Variants in SMAD6 observed in about 807,000 individuals in gnomAD.
The protein encoded by SMAD6 is MAD homolog 6.
In SMAD6, 103 loss-of-function variants were observed where a neutral mutation model predicts 39.4. The ratio of observed to expected loss-of-function variants is 2.62; its 90% confidence interval spans 2.23 to 3.08. The LOEUF is 3.08. Among genes scored for constraint, SMAD6 ranks in the 30% most tolerant of loss-of-function variants. The probability of loss-of-function intolerance (pLI) is 0.00; values close to 1 mark genes in which losing one functional copy is unlikely to be tolerated. For synonymous variants in SMAD6, 445 were observed against 353.3 expected, an observed-to-expected ratio of 1.26 and a Z score of -2.91; for missense variants, 1,104 against 742.9, an observed-to-expected ratio of 1.49 and a Z score of -5.65.
chr15:66,726,044 C>T (rs751214240), intron 3 of SMAD6, among the ~76,000 whole-genome samples: 1 of 152,152 alleles, frequency 6.6e-6, no homozygotes, highest in Non-Finnish European at 1.5e-5. Context: ...GTCTGCAAAC[C>T]ACACATCCAC....
At chr15:66,753,561 T>TA (rs1013188567) in intron 3 of SMAD6, among the ~76,000 whole-genome samples, 1 of 152,188 alleles carries the variant, frequency 6.6e-6, no homozygotes, top group Non-Finnish European at 1.5e-5. Flanking sequence ...GGAAGCGACT[T>TA]ACTCAAAGTC....
At position 66,702,283 on chromosome 15, in the gene SMAD6, C is replaced by G. The variant is rs1432441647; in HGVS notation, c.-976C>G. 2 of 152,230 alleles carry G rather than the reference C, an allele frequency of 1.3e-5. No individual in the cohort carries two copies. The highest frequency in any genetic ancestry group is 2.4e-5 in the African/African-American group (1 of 41,436). 9.4% of individuals were successfully genotyped at this position (152,230 alleles called of 1,614,324 possible). On this transcript the variant is annotated 5_prime_UTR_variant, in exon 1 of 4. Transcript: ENST00000288840. ...ACTCCGCGGCGCTCCTCCGGGGGCC[C>G]TCAGTGTGCGTTTGAGGAGAACAAA... is the stretch of plus-strand genomic sequence containing the variant.
intron 3 of SMAD6, among the ~76,000 whole-genome samples, chr15:66,770,538 A>C (rs1243941686): frequency 6.6e-6 from 1 of 152,162 alleles, no homozygotes; most frequent in Non-Finnish European, 1.5e-5. Context: ...AGGGGCAATA[A>C]TGAAAGCAAG....
intron 3 of SMAD6, among the ~76,000 whole-genome samples, chr15:66,765,764 C>T (rs992503193): frequency 7.9e-5 from 12 of 152,118 alleles, no homozygotes; most frequent in South Asian, 2.1e-4. Flanking sequence ...TTGGGAAAAG[C>T]GACTTCTGGG....
chr15:66,777,824 A>G (rs1017824342), intron 3 of SMAD6, among the ~76,000 whole-genome samples: 18 of 152,218 alleles, frequency 1.2e-4, no homozygotes, highest in African/African-American at 3.9e-4. Flanking sequence ...CTGTTCAACC[A>G]AGGAAGCCGC....
intron 3 of SMAD6, among the ~76,000 whole-genome samples, chr15:66,721,452 G>T (rs1043870025): frequency 1.3e-5 from 2 of 152,152 alleles, no homozygotes; most frequent in Non-Finnish European, 2.9e-5. Context: ...AGGGTGTGTG[G>T]TTCAGTCCAT....
At chr15:66,764,495 T>C (rs1456421394) in intron 3 of SMAD6, among the ~76,000 whole-genome samples, 1 of 152,174 alleles carries the variant, frequency 6.6e-6, no homozygotes, top group Non-Finnish European at 1.5e-5. Flanking sequence ...TATATGAAGA[T>C]ATGGGGCCAA....
intron 3 of SMAD6, among the ~76,000 whole-genome samples, chr15:66,722,503 G>A (rs1471688729): frequency 7.2e-6 from 1 of 138,836 alleles, no homozygotes; most frequent in Non-Finnish European, 1.6e-5. Context: ...CAGGGGTCAG[G>A]CTCCAGCCTA....
intron 3 of SMAD6, among the ~76,000 whole-genome samples, chr15:66,752,219 G>C (rs143776457): frequency 3.5e-4 from 53 of 152,218 alleles, no homozygotes; most frequent in African/African-American, 1.2e-3. Flanking sequence ...GGTCAGGACG[G>C]CTGAGGCCAG....
intron 3 of SMAD6, among the ~76,000 whole-genome samples, chr15:66,724,718 G>A (rs1041986069): frequency 7.2e-5 from 11 of 152,202 alleles, no homozygotes; most frequent in Non-Finnish European, 1.5e-4. Flanking sequence ...GACTCAGCAT[G>A]AACAATGATC....
chr15:66,760,805 C>A (rs986757450), intron 3 of SMAD6, among the ~76,000 whole-genome samples: 1 of 152,182 alleles, frequency 6.6e-6, no homozygotes, highest in African/African-American at 2.4e-5. Flanking sequence ...GGACCAACCA[C>A]GTCCGTCTCA....
chr15:66,781,845 CCTTA>C lies in SMAD6; in HGVS notation c.*314_*317del, dbSNP rs1387659262. The C allele has an allele frequency of 2.5e-6, 1 of 398,326 alleles. No individual in the cohort carries two copies. Among genetic ancestry groups the C allele is most frequent in the Non-Finnish European group, 4.4e-6 (1 of 226,038 alleles). 24.7% of individuals were successfully genotyped at this position (398,326 alleles called of 1,614,324 possible). A position where few individuals can be genotyped will look rare whatever the true frequency, so the allele number is the denominator to read the frequency against. ...TTTCTTTCTCTTCCTCCTTCCTCTT[CCTTA>C]CTTTTTATATATATATATAAAGAAA... On this transcript the variant is annotated 3_prime_UTR_variant, in exon 4 of 4. Transcript: ENST00000288840.
chr15:66,730,637 T>A (rs1391956186), intron 3 of SMAD6, among the ~76,000 whole-genome samples: 2 of 152,160 alleles, frequency 1.3e-5, no homozygotes, highest in Non-Finnish European at 2.9e-5. Context: ...TTTTTCATAG[T>A]AATAATGACA....
chr15:66,733,942 G>C (rs1344069127), intron 3 of SMAD6, among the ~76,000 whole-genome samples: 2 of 152,202 alleles, frequency 1.3e-5, no homozygotes, highest in African/African-American at 4.8e-5. Context: ...TCATTTTACA[G>C]AACTGACAGG....
rs114805365 is a variant in SMAD6, at chr15:66,767,641, C to T, written c.953-13356C>T. The stretch of plus-strand genomic sequence containing the variant: ...CATTTTGCAACATTTTTGTTGGGAA[C>T]GCTTAAGTCTCATGTTACTGCATTC... On this transcript the variant is annotated intron_variant, in intron 3 of 3. Transcript: ENST00000288840. Among the ~76,000 whole-genome samples, 1,121 of 152,310 alleles carry T rather than the reference C, an allele frequency of 7.4e-3. 12 individuals carry two copies. Among genetic ancestry groups the T allele is most frequent in the African/African-American group, 0.025 (1,058 of 41,570 alleles).
intron 2 of SMAD6, among the ~76,000 whole-genome samples, chr15:66,713,768 G>A (rs1392639821): frequency 1.3e-5 from 2 of 152,208 alleles, no homozygotes; most frequent in African/African-American, 2.4e-5. Flanking sequence ...GCTGTTCCAC[G>A]AGGGTGTGGG....
At position 66,717,577 on chromosome 15, in the gene SMAD6, G is replaced by A. The variant is rs1044006164; in HGVS notation, c.952+1079G>A. 5.8e-5 allele frequency: 24 copies of A among 410,332 alleles called. No individual in the cohort carries two copies. In the Middle Eastern group the frequency reaches 1.0e-3, roughly 18 times the overall value. 25.4% of individuals were successfully genotyped at this position (410,332 alleles called of 1,614,324 possible). ...GATGTAGTCTCTCTGCAACTCTAAG[G>A]ATAATGCAGCACTGGCTGCTCATGG... On this transcript the variant is annotated intron_variant, in intron 3 of 3. Coordinates refer to ENST00000288840, the MANE Select transcript of SMAD6 (RefSeq NM_005585.5).
Position 66,703,860 on chromosome 15 carries a change from TGCCGGGCGGCTGCGTGCTGGTGCCGCGC to T in SMAD6, c.607_634del (p.Gly203ThrfsTer30). On this transcript the variant is annotated frameshift_variant, in exon 1 of 4. Transcript: ENST00000288840. LOFTEE classifies it high-confidence loss of function. ...GAGGCGGTGGAGTCCCGCGGCGGCG[TGCCGGGCGGCTGCGTGCTGGTGCCGCGC>T]GCCGACCTCCGCCTGGGCGGCCAGC... is the stretch of plus-strand genomic sequence containing the variant. The T allele has an allele frequency of 2.2e-6, 3 of 1,346,954 alleles. No individual in the cohort carries two copies. Among genetic ancestry groups the T allele is most frequent in the Non-Finnish European group, 2.9e-6 (3 of 1,039,124 alleles). 83.4% of individuals were successfully genotyped at this position (1,346,954 alleles called of 1,614,324 possible).
At chr15:66,761,221 C>G (rs185224350) in intron 3 of SMAD6, among the ~76,000 whole-genome samples, 1 of 152,168 alleles carries the variant, frequency 6.6e-6, no homozygotes, top group African/African-American at 2.4e-5. Context: ...CTGTCCCTGT[C>G]CCTCCTGCCC....
Sources: allele counts gnomAD v4.1 joint callset (sites outside exome capture counted in the v4.1 genomes callset), GRCh38; gene constraint gnomAD v4.1.1; transcripts MANE v1.5; gene names NCBI Gene and HGNC (gene_info 2026-07-23, HGNC 2026-07-21).